Variants in COL27A1 observed in about 807,000 individuals in gnomAD.
COL27A1 encodes collagen alpha-1(XXVII) chain.
In COL27A1, 106 loss-of-function variants were observed where a neutral mutation model predicts 251.3. That is an observed-to-expected ratio of 0.42 (90% CI 0.36 to 0.50). The LOEUF is 0.50. Among genes scored for constraint, COL27A1 ranks in the 20% least tolerant of loss-of-function variants. The pLI is 0.00. For missense variants in COL27A1, 2,325 were observed against 2,522.8 expected (o/e 0.92, Z 1.68); for synonymous variants, 1,000 against 986.3 (o/e 1.01, Z -0.26).
chr9:114,194,160 A>G (rs1828939489), intron 5 of COL27A1, among the ~76,000 whole-genome samples: 1 of 152,128 alleles, frequency 6.6e-6, no homozygotes, highest in African/African-American at 2.4e-5. Flanking sequence ...TGGCTGGATT[A>G]CAGAAGACTT....
At chr9:114,217,490 T>C (rs976202711) in intron 12 of COL27A1, among the ~76,000 whole-genome samples, 2 of 152,148 alleles carry the variant, frequency 1.3e-5, no homozygotes, top group African/African-American at 4.8e-5. Context: ...GCAGCTGCTG[T>C]ATGTGAATAT....
chr9:114,164,875 C>A (rs1357133694), intron 2 of COL27A1, among the ~76,000 whole-genome samples: 1 of 152,168 alleles, frequency 6.6e-6, no homozygotes, highest in South Asian at 2.1e-4. Flanking sequence ...GAAATGAAAG[C>A]CCCTTGGGTC....
chr9:114,289,165 C>G (rs1434123180), intron 44 of COL27A1, 77 bp from the exon 45 acceptor site: 2 of 1,413,320 alleles, frequency 1.4e-6, no homozygotes, highest in African/African-American at 1.4e-5. Context: ...CACCCCTCCC[C>G]CTCCAGGCGG....
intron 12 of COL27A1, among the ~76,000 whole-genome samples, chr9:114,212,168 C>T (rs1031696781): frequency 1.3e-5 from 2 of 152,210 alleles, no homozygotes; most frequent in Non-Finnish European, 2.9e-5. Context: ...GTGGCCCGAA[C>T]AGGCAGTCTT....
At chr9:114,248,793 A>T (rs750111021) in intron 24 of COL27A1, among the ~76,000 whole-genome samples, 2 of 152,206 alleles carry the variant, frequency 1.3e-5, no homozygotes, top group Non-Finnish European at 2.9e-5. Context: ...CCAGGACCCA[A>T]CATCTCATAA....
chr9:114,286,736 T>C (rs1157334042), intron 41 of COL27A1, among the ~76,000 whole-genome samples: 1 of 145,614 alleles, frequency 6.9e-6, no homozygotes, highest in Non-Finnish European at 1.5e-5. Context: ...AAACTTAAAG[T>C]ATAATAATAA....
intron 16 of COL27A1, among the ~76,000 whole-genome samples, chr9:114,234,666 C>T (rs1342123285): frequency 1.3e-5 from 2 of 152,134 alleles, no homozygotes; most frequent in Admixed American, 6.5e-5. Flanking sequence ...TGCAGTACAT[C>T]GTGTTAGAAG....
chr9:114,235,708 C>A, intron 17 of COL27A1, 56 bp downstream of exon 17: 1 of 1,388,110 alleles, frequency 7.2e-7, no homozygotes, highest in South Asian at 1.2e-5. Flanking sequence ...TGCTGTTCCC[C>A]TGGTCTTGGC....
rs541945570 is a variant in COL27A1 at position 114,292,974 on chromosome 9, G to A, written c.4584+764G>A. Among the ~76,000 whole-genome samples, 24 of 152,278 alleles carry A rather than the reference G, an allele frequency of 1.6e-4. No individual in the cohort carries two copies. In the South Asian group the frequency reaches 4.8e-3, roughly 30 times the overall value. ...GCAAAGACTGATAAAGCTACAAGGA[G>A]AAATAGACAAATTCACAATTATACT... On this transcript the variant is annotated intron_variant, in intron 49 of 60. Transcript: ENST00000356083.
At chr9:114,302,249 A>G in intron 56 of COL27A1, 141 bp downstream of exon 56, 1 of 705,884 alleles carries the variant, frequency 1.4e-6, no homozygotes, top group Non-Finnish European at 2.5e-6. Flanking sequence ...GTCACTTCAT[A>G]CTGGAGACTT....
At chr9:114,228,035 C>T (rs973653976) in intron 14 of COL27A1, among the ~76,000 whole-genome samples, 6 of 152,160 alleles carry the variant, frequency 3.9e-5, no homozygotes. Context: ...AGGCAGGGGT[C>T]TCTCTTCCAG....
intron 16 of COL27A1, among the ~76,000 whole-genome samples, chr9:114,233,197 C>T (rs997145574): frequency 3.3e-5 from 5 of 152,224 alleles, no homozygotes; most frequent in African/African-American, 1.2e-4. Flanking sequence ...GGTCACATTT[C>T]ACAGTTCCTA....
In COL27A1 at chr9:114,290,716, G is replaced by A; in HGVS notation, c.4369-94G>A. On this transcript the variant is annotated intron_variant, in intron 47 of 60. Transcript: ENST00000356083. The surrounding 1 kb of genome is among the most constrained non-coding windows in gnomAD (Gnocchi z 4.6). ...TCCTGGAGTGTGACCCCTTCCTCCA[G>A]CTTCACCCAGGGTTTGCCCAGGCGT... The A allele has an allele frequency of 1.1e-6, 1 of 929,898 alleles. No individual in the cohort carries two copies. The allele number at this position is 929,898 out of a possible 1,614,324, so 57.6% of individuals were successfully genotyped here. A position where few individuals can be genotyped will look rare whatever the true frequency, so the allele number is the denominator to read the frequency against.
rs913455336 is a variant in COL27A1, at chr9:114,312,373, C to T, written c.*1678C>T. The T allele has an allele frequency of 6.6e-6, 1 of 152,242 alleles. No individual in the cohort carries two copies. Among genetic ancestry groups the T allele is most frequent in the African/African-American group, 2.4e-5 (1 of 41,442 alleles). The allele number at this position is 152,242 out of a possible 1,614,324, so 9.4% of individuals were successfully genotyped here. A position where few individuals can be genotyped will look rare whatever the true frequency, so the allele number is the denominator to read the frequency against. Reference sequence around the variant, plus strand: ...CCTCCTGCTGCCAGAATCCACTGGCCTCTGTCTCATTCTTGGGTTTTCCTG... The same window carrying T: ...CCTCCTGCTGCCAGAATCCACTGGCTTCTGTCTCATTCTTGGGTTTTCCTG... On this transcript the variant is annotated 3_prime_UTR_variant, in exon 61 of 61. Transcript: ENST00000356083.
chr9:114,272,911 C>T (rs887409653), intron 36 of COL27A1: 4 of 152,186 alleles, frequency 2.6e-5, no homozygotes, highest in Non-Finnish European at 5.9e-5. Context: ...CTGACTCACT[C>T]GGTGGTATTA....
At chr9:114,180,920 G>T (rs1403585011) in intron 4 of COL27A1, among the ~76,000 whole-genome samples, 1 of 152,200 alleles carries the variant, frequency 6.6e-6, no homozygotes, top group East Asian at 1.9e-4. Context: ...CTGTGGGGCA[G>T]CTGGGGCACG....
intron 49 of COL27A1, among the ~76,000 whole-genome samples, chr9:114,297,553 A>G (rs189081159): frequency 6.6e-6 from 1 of 152,370 alleles, no homozygotes; most frequent in Admixed American, 6.5e-5. Context: ...AATACACCAT[A>G]TTAATAAAAT....
chr9:114,177,156 C>T (rs895172998), intron 3 of COL27A1, among the ~76,000 whole-genome samples: 14 of 152,130 alleles, frequency 9.2e-5, no homozygotes, highest in Non-Finnish European at 8.8e-5. Context: ...TAACGGGGAG[C>T]ATCTGAGACT....
intron 3 of COL27A1, among the ~76,000 whole-genome samples, chr9:114,172,213 T>A (rs1449311555): frequency 6.6e-6 from 1 of 152,198 alleles, no homozygotes; most frequent in African/African-American, 2.4e-5. Context: ...GGAAGAGGCA[T>A]CTTTGAACGG....
Sources: gnomAD v4.1 joint callset for allele counts (sites outside exome capture counted in the v4.1 genomes callset) on GRCh38, gnomAD v4.1.1 for gene constraint, Gnocchi (gnomAD v3.1) non-coding constraint, MANE v1.5 for transcripts, NCBI Gene and HGNC (gene_info 2026-07-23, HGNC 2026-07-21) for gene names.